CACNA2D1: variants seen among roughly 807,000 people sequenced by gnomAD.
CACNA2D1 encodes the protein calcium voltage-gated channel auxiliary subunit alpha2delta 1, also known as voltage-dependent calcium channel subunit alpha-2/delta-1.
Under a neutral mutation model 171.5 loss-of-function variants are expected in CACNA2D1, and 53 were observed. The observed-to-expected ratio is 0.31, with a 90% confidence interval of 0.25 to 0.39. The LOEUF (loss-of-function observed/expected upper bound fraction) is 0.39. CACNA2D1 is among the 10% of genes least tolerant of loss of function. CACNA2D1 has a pLI of 1.00. For missense variants in CACNA2D1, 903 were observed against 1,299.8 expected (o/e 0.69, Z 4.69); for synonymous variants, 442 against 443.1 (o/e 1.00, Z 0.03).
intron 1 of CACNA2D1, among the ~76,000 whole-genome samples, chr7:82,380,262 C>T (rs1024530056): frequency 6.6e-6 from 1 of 152,110 alleles, no homozygotes; most frequent in African/African-American, 2.4e-5. Context: ...AGGTAGAAAA[C>T]ATCCAAAACA....
intron 10 of CACNA2D1, among the ~76,000 whole-genome samples, chr7:82,058,086 T>C (rs568200915): frequency 2.0e-5 from 3 of 152,264 alleles, no homozygotes; most frequent in African/African-American, 7.2e-5. Context: ...GGCTGCTACC[T>C]AAAACCTCAG....
chr7:82,286,238 G>A (rs897131569), intron 3 of CACNA2D1, among the ~76,000 whole-genome samples: 3 of 152,108 alleles, frequency 2.0e-5, no homozygotes, highest in South Asian at 2.1e-4. Context: ...GGTCCCAAGC[G>A]ATTGAGAAAC....
intron 38 of CACNA2D1, among the ~76,000 whole-genome samples, chr7:81,957,781 A>C (rs1477931055): frequency 6.6e-6 from 1 of 152,162 alleles, no homozygotes; most frequent in Non-Finnish European, 1.5e-5. Context: ...CACACAACCC[A>C]TTTATAGGAG....
At chr7:82,337,219 C>T (rs1818102079) in intron 2 of CACNA2D1, among the ~76,000 whole-genome samples, 2 of 151,842 alleles carry the variant, frequency 1.3e-5, no homozygotes, top group Admixed American at 1.3e-4. Flanking sequence ...AGTCTAGAAC[C>T]CCTAGTGTAA....
chr7:82,291,296 T>C (rs1038155889), intron 3 of CACNA2D1, among the ~76,000 whole-genome samples: 3 of 141,602 alleles, frequency 2.1e-5, no homozygotes, highest in Non-Finnish European at 4.6e-5. Context: ...TTATATATAG[T>C]ATATATAATA....
chr7:82,144,830 T>C (rs898497633), intron 4 of CACNA2D1, among the ~76,000 whole-genome samples: 3 of 152,050 alleles, frequency 2.0e-5, no homozygotes, highest in African/African-American at 7.2e-5. Flanking sequence ...ACATTTTGAT[T>C]GCATGCTTGA....
In CACNA2D1 at chr7:82,342,184, TTA is replaced by T. The variant is rs1294130788; in HGVS notation, c.178-6935_178-6934del. Among the ~76,000 whole-genome samples, 3 of 152,186 alleles carry T rather than the reference TTA, an allele frequency of 2.0e-5. No homozygotes were observed. The East Asian group carries it at 5.8e-4, about 29-fold the overall frequency. On this transcript the variant is annotated intron_variant, in intron 2 of 38. Coordinates refer to ENST00000356860, the MANE Select transcript of CACNA2D1 (RefSeq NM_000722.4). Reference sequence around the variant, plus strand: ...ATTGGGACACTACCTTTGAAATTTTTTATGACTTGATATTTCTATTTTGCTAC... The same window carrying T: ...ATTGGGACACTACCTTTGAAATTTTTTGACTTGATATTTCTATTTTGCTAC...
At chr7:82,182,494 A>C (rs1797227996) in intron 3 of CACNA2D1, among the ~76,000 whole-genome samples, 1 of 152,110 alleles carries the variant, frequency 6.6e-6, no homozygotes, top group Admixed American at 6.6e-5. Flanking sequence ...AATGAACAAA[A>C]AACTGTAAAA....
At chr7:82,123,903 GAATAAGCATATGTA>G (rs1790027586) in intron 5 of CACNA2D1, among the ~76,000 whole-genome samples, 1 of 151,884 alleles carries the variant, frequency 6.6e-6, no homozygotes, top group Non-Finnish European at 1.5e-5. Flanking sequence ...ACTTAGTAGA[GAATAAGCATATGTA>G]TATAAGCATA....
chr7:82,175,624 T>G (rs1469732199), intron 3 of CACNA2D1, among the ~76,000 whole-genome samples: 1 of 152,050 alleles, frequency 6.6e-6, no homozygotes, highest in Admixed American at 6.6e-5. Flanking sequence ...AAGAAAAGCC[T>G]ACAGATACAA....
At chr7:82,319,179 G>A (rs1185536479) in intron 3 of CACNA2D1, among the ~76,000 whole-genome samples, 2 of 152,108 alleles carry the variant, frequency 1.3e-5, no homozygotes, top group Non-Finnish European at 2.9e-5. Flanking sequence ...ATAAAAAATT[G>A]TTATTAAGAC....
intron 3 of CACNA2D1, among the ~76,000 whole-genome samples, chr7:82,259,314 A>G (rs1806775906): frequency 6.6e-6 from 1 of 152,204 alleles, no homozygotes; most frequent in South Asian, 2.1e-4. Context: ...GTATGGTCTC[A>G]ACCCAAATTG....
intron 3 of CACNA2D1, among the ~76,000 whole-genome samples, chr7:82,207,281 C>T (rs1002879625): frequency 6.6e-6 from 1 of 152,192 alleles, no homozygotes; most frequent in Non-Finnish European, 1.5e-5. Flanking sequence ...AAACATGGTC[C>T]TACCATAGTA....
rs145470188 is a variant in CACNA2D1 at position 82,369,869 on chromosome 7, A to C, written c.96-20220T>G. On this transcript the variant is annotated intron_variant, in intron 1 of 38. Transcript: ENST00000356860. ...AAAACCATTCAGAGCAATGCCTGGA[A>C]GATACTAAATAAACAACTATGATTA... 4.7e-3 allele frequency among the ~76,000 whole-genome samples: 723 copies of C among 152,248 alleles called. 5 individuals carry two copies. Among genetic ancestry groups the C allele is most frequent in the African/African-American group, 0.017 (701 of 41,576 alleles).
intron 1 of CACNA2D1, among the ~76,000 whole-genome samples, chr7:82,398,375 A>G (rs1220642682): frequency 6.6e-6 from 1 of 152,230 alleles, no homozygotes; most frequent in East Asian, 1.9e-4. Context: ...TTCTCAAATC[A>G]GAAAAAAGAA....
At chr7:82,337,023 T>C (rs76461331) in intron 2 of CACNA2D1, among the ~76,000 whole-genome samples, 1,846 of 152,292 alleles carry the variant, frequency 0.012, 15 homozygotes, top group Non-Finnish European at 0.018. Context: ...ACATATTAAT[T>C]ACTTGGTGCT....
chr7:82,422,866 A>C (rs1178043815), intron 1 of CACNA2D1, among the ~76,000 whole-genome samples: 2 of 152,092 alleles, frequency 1.3e-5, no homozygotes, highest in African/African-American at 4.8e-5. Flanking sequence ...AACAGAAAAT[A>C]AGCAAAAGAT....
intron 3 of CACNA2D1, among the ~76,000 whole-genome samples, chr7:82,186,054 G>A (rs960253560): frequency 6.6e-6 from 1 of 151,992 alleles, no homozygotes; most frequent in Non-Finnish European, 1.5e-5. Flanking sequence ...CTACTGGGAG[G>A]CTGAGGCAGG....
intron 6 of CACNA2D1, among the ~76,000 whole-genome samples, chr7:82,108,957 A>C (rs923733061): frequency 2.0e-5 from 3 of 152,202 alleles, no homozygotes; most frequent in Non-Finnish European, 4.4e-5. Context: ...CTTTATTACA[A>C]TAGACAATCA....
Sources: allele counts gnomAD v4.1 joint callset (sites outside exome capture counted in the v4.1 genomes callset), GRCh38; gene constraint gnomAD v4.1.1; transcripts MANE v1.5; gene names NCBI Gene and HGNC (gene_info 2026-07-23, HGNC 2026-07-21).